The following BRWD1 variants were observed in gnomAD, a reference collection of about 807,000 sequenced individuals.
BRWD1 encodes the protein bromodomain and WD repeat-containing protein 1.
A neutral mutation model predicts 251.2 loss-of-function variants in BRWD1; 82 were observed. The observed-to-expected ratio is 0.33, with a 90% CI of 0.27 to 0.39. The LOEUF (loss-of-function observed/expected upper bound fraction) is 0.39, where lower values mean the gene tolerates loss of function less well. BRWD1 is among the 10% of genes least tolerant of loss of function. The pLI is 1.00. For missense variants in BRWD1, 2,233 were observed against 2,711.6 expected, an observed-to-expected ratio of 0.82 and a Z score of 3.92; for synonymous variants, 918 against 902.8, an observed-to-expected ratio of 1.02 and a Z score of -0.30.
At chr21:39,208,321 A>C (rs1269538097) in intron 36 of BRWD1, among the ~76,000 whole-genome samples, 2 of 152,194 alleles carry the variant, frequency 1.3e-5, no homozygotes, top group Non-Finnish European at 2.9e-5. Flanking sequence ...CAAAAATCCA[A>C]GCTTGGAAAC....
intron 8 of BRWD1, among the ~76,000 whole-genome samples, chr21:39,282,882 C>G (rs773912297): frequency 2.0e-5 from 3 of 150,378 alleles, no homozygotes; most frequent in Non-Finnish European, 4.4e-5. Flanking sequence ...TCGCTTGAAC[C>G]TGGAAGGCAG....
Position 39,293,934 on chromosome 21 carries a change from T to C in BRWD1, c.708A>G (p.Val236=). The change falls in exon 8 of 41, where the codon GTA becomes GTG. Residue 236 remains valine, a synonymous_variant. Transcript: ENST00000342449. ...CAGCAATCATTGTATTCTCATAGTT[T>C]ACTGCCATATCTGAAATTTCTGCAG... ...GHSAEISDMA[V]NYENTMIAAG... 1 of 1,614,196 alleles carries C rather than the reference T, an allele frequency of 6.2e-7. No homozygotes were observed. Among genetic ancestry groups the C allele is most frequent in the Non-Finnish European group, 8.5e-7 (1 of 1,180,040 alleles).
intron 12 of BRWD1, among the ~76,000 whole-genome samples, chr21:39,275,547 G>A (rs549170611): frequency 2.0e-5 from 3 of 152,014 alleles, no homozygotes; most frequent in Non-Finnish European, 4.4e-5. Context: ...AATATACAAA[G>A]TGACAGTTAA....
chr21:39,241,001 A>G (rs901807311), intron 21 of BRWD1, among the ~76,000 whole-genome samples: 7 of 151,988 alleles, frequency 4.6e-5, no homozygotes, highest in East Asian at 2.0e-4. Context: ...CGTGGGTTCA[A>G]ACGATTCTCC....
intron 17 of BRWD1, among the ~76,000 whole-genome samples, chr21:39,259,118 G>A (rs1348823953): frequency 1.3e-5 from 2 of 152,176 alleles, no homozygotes; most frequent in African/African-American, 4.8e-5. Context: ...GGGGAAAAAA[G>A]GGAGGTAAGA....
At chr21:39,298,267 G>T (rs138191164) in intron 5 of BRWD1, 165 bp downstream of exon 5, 10 of 1,284,278 alleles carry the variant, frequency 7.8e-6, no homozygotes, top group Admixed American at 3.6e-5. Context: ...AAACACTTAT[G>T]TAATAAAATT....
rs753135578 is a variant in BRWD1, at chr21:39,210,044, C to T, written c.4148G>A (p.Arg1383Gln). ...CGCTTTTGCATTGCTAAATATCAGC[C>T]GGATGTCTTTGCAAAACTCCAAAGG... ...DSPLEFCKDI[R>Q]LIFSNAKAYT... Residue 1383 changes from arginine to glutamine, a missense_variant, in exon 36 of 41, where the codon CGG becomes CAG. Transcript: ENST00000342449. 1.1e-5 allele frequency: 17 copies of T among 1,613,414 alleles called. No individual in the cohort carries two copies. The highest frequency in any genetic ancestry group is 3.3e-5 in the Admixed American group (2 of 59,966).
intron 21 of BRWD1, among the ~76,000 whole-genome samples, chr21:39,244,316 G>A (rs2034105238): frequency 6.6e-6 from 1 of 151,908 alleles, no homozygotes; most frequent in African/African-American, 2.4e-5. Context: ...CACCCACCTC[G>A]GCCTCCCAGA....
At chr21:39,277,103 A>T (rs1189003758) in intron 11 of BRWD1, 148 bp downstream of exon 11, 1 of 469,008 alleles carries the variant, frequency 2.1e-6, no homozygotes, top group African/African-American at 2.0e-5. Flanking sequence ...TTTAAAACTT[A>T]ATACCATCAA....
chr21:39,281,819 G>C (rs1486326550), intron 8 of BRWD1, among the ~76,000 whole-genome samples: 1 of 151,950 alleles, frequency 6.6e-6, no homozygotes, highest in Non-Finnish European at 1.5e-5. Flanking sequence ...AGCAGGCTGA[G>C]ATGGCGCCAC....
chr21:39,258,514 A>G lies in BRWD1; in HGVS notation c.2044T>C (p.Ser682Pro). The change falls in exon 18 of 41, where the codon TCA becomes CCA. Residue 682 changes from serine (S) to proline (P), a missense_variant. Transcript: ENST00000342449. ...ADQDTIPRGLSNGEETPRRGF... is the reference protein window; with the variant it reads ...ADQDTIPRGLPNGEETPRRGF... ...CTCCGGGGTGTTTCTTCACCATTTGAAAGTCCTCTTGGAATAGTATCCTGA... is the reference window on the plus strand; with the variant it reads ...CTCCGGGGTGTTTCTTCACCATTTGGAAGTCCTCTTGGAATAGTATCCTGA... 6.2e-7 allele frequency: 1 copy of G among 1,602,608 alleles called. No homozygotes were observed.
In BRWD1 at chr21:39,196,602, T is replaced by G. The variant is rs2234548; in HGVS notation, c.6467A>C (p.Lys2156Thr). Residue 2156 changes from lysine to threonine, a missense_variant, in exon 41 of 41, where the codon AAA becomes ACA. Physicochemically the swap from Lys to Thr is moderately conservative, Grantham distance 78 (BLOSUM62 -1). Coordinates refer to ENST00000342449, the MANE Select transcript of BRWD1 (RefSeq NM_033656.4). ...NSKFRPDTSSKSSDLGSVTES... is the reference protein window; with the variant it reads ...NSKFRPDTSSTSSDLGSVTES... The stretch of plus-strand genomic sequence containing the variant: ...AGTTACAGATCCCAAATCTGATGAT[T>G]TGGAACTAGTATCAGGTCTAAACTT... The G allele has an allele frequency of 6.2e-7, 1 of 1,613,476 alleles. No homozygotes were observed. Among genetic ancestry groups the G allele is most frequent in the African/African-American group, 1.3e-5 (1 of 74,956 alleles).
At position 39,188,725 on chromosome 21, in the gene BRWD1, C is replaced by T; in HGVS notation, c.*7534G>A. 1.0e-6 allele frequency: 1 copy of T among 985,424 alleles called. No individual in the cohort carries two copies. The highest frequency in any genetic ancestry group is 1.2e-6 in the Non-Finnish European group (1 of 829,912). The allele number at this position is 985,424 out of a possible 1,614,324, so 61.0% of individuals were successfully genotyped here. On this transcript the variant is annotated 3_prime_UTR_variant, in exon 41 of 41. Transcript: ENST00000342449. ...AACTGATTTCACACTTCTCTAAGAT[C>T]AGTTGAGCGTTCTCCCCAGAATAGG...
chr21:39,233,779 G>A (rs2033709946), intron 23 of BRWD1, among the ~76,000 whole-genome samples: 1 of 152,230 alleles, frequency 6.6e-6, no homozygotes, highest in Non-Finnish European at 1.5e-5. Flanking sequence ...CAGCACTCTG[G>A]GAGGCTGAGG....
At chr21:39,275,941 A>T (rs1277214520) in intron 12 of BRWD1, among the ~76,000 whole-genome samples, 4 of 152,180 alleles carry the variant, frequency 2.6e-5, no homozygotes, top group Admixed American at 1.3e-4. Context: ...CTGAGGTAGA[A>T]GATTAACTTG....
At chr21:39,306,607 A>G (rs2146792413) in intron 4 of BRWD1, among the ~76,000 whole-genome samples, 1 of 152,302 alleles carries the variant, frequency 6.6e-6, no homozygotes, top group African/African-American at 2.4e-5. Flanking sequence ...TTGACCGGAA[A>G]AAATACCAGA....
intron 8 of BRWD1, among the ~76,000 whole-genome samples, chr21:39,287,592 T>C (rs1270960732): frequency 6.6e-6 from 1 of 152,216 alleles, no homozygotes; most frequent in Admixed American, 6.5e-5. Context: ...GGATATGTAG[T>C]GATACCCCTT....
Position 39,200,770 on chromosome 21 carries a change from G to T in BRWD1, c.4586-384C>A, listed in dbSNP as rs374160244. Among the ~76,000 whole-genome samples the T allele has an allele frequency of 2.0e-4, 30 of 152,282 alleles. No individual in the cohort carries two copies. The East Asian group carries it at 5.2e-3, about 26-fold the overall frequency. ...GGAGGCTGAGGTGGGTGGATCACTT[G>T]AGGCCAGGAGTTCAAAACTAGCCTG... On this transcript the variant is annotated intron_variant, in intron 38 of 40. Coordinates refer to ENST00000342449, the MANE Select transcript of BRWD1 (RefSeq NM_033656.4).
At chr21:39,312,735 C>G in intron 4 of BRWD1, 106 bp downstream of exon 4, 1 of 778,708 alleles carries the variant, frequency 1.3e-6, no homozygotes, top group Non-Finnish European at 2.0e-6. Flanking sequence ...CCCCCCAGTG[C>G]GGGTCACACT....
Sources: allele counts gnomAD v4.1 joint callset (sites outside exome capture counted in the v4.1 genomes callset), GRCh38; gene constraint gnomAD v4.1.1; transcripts MANE v1.5; gene names NCBI Gene and HGNC (gene_info 2026-07-23, HGNC 2026-07-21).